Variants in ZDHHC14 observed in about 807,000 individuals in gnomAD.
ZDHHC14 encodes zDHHC palmitoyltransferase 14.
In ZDHHC14, 16 loss-of-function variants were observed where a neutral mutation model predicts 47.7. The ratio of observed to expected loss-of-function variants is 0.34; its 90% CI spans 0.23 to 0.51. ZDHHC14 has a LOEUF of 0.51. Among genes scored for constraint, ZDHHC14 ranks in the 20% least tolerant of loss-of-function variants. The pLI is 0.97. For missense variants in ZDHHC14, 515 were observed against 662.5 expected (o/e 0.78, Z 2.44); for synonymous variants, 293 against 278.9 (o/e 1.05, Z -0.50).
At chr6:157,493,360 G>A (rs892367388) in intron 1 of ZDHHC14, among the ~76,000 whole-genome samples, 4 of 152,224 alleles carry the variant, frequency 2.6e-5, no homozygotes, top group Non-Finnish European at 4.4e-5. Context: ...GCACAGGCCC[G>A]GGCTCCAGGC....
At chr6:157,476,160 T>C (rs998322956) in intron 1 of ZDHHC14, among the ~76,000 whole-genome samples, 1 of 152,060 alleles carries the variant, frequency 6.6e-6, no homozygotes, top group Non-Finnish European at 1.5e-5. Flanking sequence ...TGAAGCTGAG[T>C]TGGTTTTTTG....
chr6:157,593,664 G>T (rs1056441691), intron 3 of ZDHHC14, among the ~76,000 whole-genome samples: 2 of 152,222 alleles, frequency 1.3e-5, no homozygotes, highest in African/African-American at 4.8e-5. Flanking sequence ...CCCAACTTCC[G>T]CCAGGACAGG....
intron 2 of ZDHHC14, among the ~76,000 whole-genome samples, chr6:157,570,858 T>C (rs567352466): frequency 3.8e-4 from 58 of 151,976 alleles, no homozygotes; most frequent in African/African-American, 1.3e-3. Flanking sequence ...TATATTGCCC[T>C]TCTGAGTCTG....
chr6:157,579,196 T>TTTG (rs1235764251), intron 2 of ZDHHC14, among the ~76,000 whole-genome samples: 3 of 113,008 alleles, frequency 2.7e-5, no homozygotes, highest in Admixed American at 8.6e-5. Flanking sequence ...CTGTGTTTTT[T>TTTG]TTTTTTTTTT....
At chr6:157,631,271 G>C (rs904668362) in intron 4 of ZDHHC14, 2 of 149,298 alleles carry the variant, frequency 1.3e-5, no homozygotes, top group African/African-American at 2.5e-5. Flanking sequence ...TTACTCACCT[G>C]GCTCCACCAA....
At chr6:157,516,866 C>G (rs898141277) in intron 1 of ZDHHC14, among the ~76,000 whole-genome samples, 1 of 152,194 alleles carries the variant, frequency 6.6e-6, no homozygotes, top group Non-Finnish European at 1.5e-5. Context: ...CCAGATGAAA[C>G]CTGTTCCCAT....
intron 8 of ZDHHC14, among the ~76,000 whole-genome samples, chr6:157,669,333 T>TG (rs796604258): frequency 6.4e-4 from 76 of 118,528 alleles, no homozygotes; most frequent in Admixed American, 1.2e-3. Flanking sequence ...AGAGGGGTGG[T>TG]GGGGGGGGAA....
chr6:157,395,064 T>A (rs895086446), intron 1 of ZDHHC14, among the ~76,000 whole-genome samples: 7 of 149,938 alleles, frequency 4.7e-5, no homozygotes, highest in Admixed American at 2.7e-4. Context: ...TCGTGTGCCC[T>A]GGTGGGAAAG....
intron 2 of ZDHHC14, among the ~76,000 whole-genome samples, chr6:157,590,264 A>C (rs1430362723): frequency 6.6e-6 from 1 of 152,220 alleles, no homozygotes; most frequent in Admixed American, 6.5e-5. Flanking sequence ...AATGTTAATC[A>C]CCAAGACAAT....
At chr6:157,466,053 A>AG (rs1219566740) in intron 1 of ZDHHC14, among the ~76,000 whole-genome samples, 3 of 152,026 alleles carry the variant, frequency 2.0e-5, no homozygotes, top group Admixed American at 6.5e-5. Flanking sequence ...AAGAAAAAAA[A>AG]AAGAGAGAGA....
rs182057542 is a variant in ZDHHC14, at chr6:157,467,008, C to T, written c.246-75577C>T. 3.0e-3 allele frequency among the ~76,000 whole-genome samples: 460 copies of T among 152,272 alleles called. 2 individuals carry two copies. Among genetic ancestry groups the T allele is most frequent in the South Asian group, 0.016 (77 of 4,816 alleles). On this transcript the variant is annotated intron_variant, in intron 1 of 8. Transcript: ENST00000359775. ...CTGAAGGCTCCTACCCTTGTCTATG[C>T]CTTTCCACCCAGCCTACTTCTCCTG...
At chr6:157,434,077 T>C (rs1778392366) in intron 1 of ZDHHC14, among the ~76,000 whole-genome samples, 1 of 152,024 alleles carries the variant, frequency 6.6e-6, no homozygotes, top group South Asian at 2.1e-4. Flanking sequence ...AGATATATGC[T>C]AAAAGATTTT....
chr6:157,656,421 G>T (rs557690124), intron 8 of ZDHHC14, among the ~76,000 whole-genome samples: 1 of 151,636 alleles, frequency 6.6e-6, no homozygotes, highest in African/African-American at 2.4e-5. Flanking sequence ...TGTAACCTCC[G>T]TCTCCCAGGT....
At chr6:157,668,522 TAA>T (rs34696696) in intron 8 of ZDHHC14, among the ~76,000 whole-genome samples, 40,930 of 123,678 alleles carry the variant, frequency 0.33, 7,135 homozygotes, top group African/African-American at 0.51. Context: ...CCATCTCCAC[TAA>T]AAAAAAAAAA....
intron 2 of ZDHHC14, among the ~76,000 whole-genome samples, chr6:157,576,843 C>T (rs765276008): frequency 2.6e-5 from 4 of 152,224 alleles, no homozygotes; most frequent in African/African-American, 7.2e-5. Context: ...GCCACTGTTC[C>T]GAATCCTTCG....
At chr6:157,429,084 G>A (rs1778284074) in intron 1 of ZDHHC14, among the ~76,000 whole-genome samples, 1 of 152,134 alleles carries the variant, frequency 6.6e-6, no homozygotes, top group Admixed American at 6.5e-5. Flanking sequence ...GTGGGGGCGT[G>A]GGGGAAGGGA....
At chr6:157,594,174 G>A (rs1428774786) in intron 3 of ZDHHC14, among the ~76,000 whole-genome samples, 1 of 152,162 alleles carries the variant, frequency 6.6e-6, no homozygotes, top group Non-Finnish European at 1.5e-5. Context: ...ATTTTATAAT[G>A]TACGTCCTGC....
intron 1 of ZDHHC14, among the ~76,000 whole-genome samples, chr6:157,521,139 C>T (rs538662805): frequency 6.6e-6 from 1 of 152,252 alleles, no homozygotes; most frequent in East Asian, 1.9e-4. Context: ...ACTGTCAGCC[C>T]CACTTCCTCA....
At chr6:157,473,909 T>TAA (rs758429246) in intron 1 of ZDHHC14, among the ~76,000 whole-genome samples, 4 of 146,964 alleles carry the variant, frequency 2.7e-5, no homozygotes, top group Admixed American at 1.4e-4. Context: ...CCCCAAATCT[T>TAA]AAAAAAAAAA....
Sources: allele counts gnomAD v4.1 joint callset (sites outside exome capture counted in the v4.1 genomes callset), GRCh38; gene constraint gnomAD v4.1.1; transcripts MANE v1.5; gene names NCBI Gene and HGNC (gene_info 2026-07-23, HGNC 2026-07-21).